The following ZBTB7A variants were observed in gnomAD, a reference collection of about 807,000 sequenced individuals.
ZBTB7A encodes zinc finger and BTB domain-containing protein 7A.
ZBTB7A carries 7 observed loss-of-function variants against 26.7 expected under a neutral mutation model. The ratio of observed to expected loss-of-function variants is 0.26; its 90% CI spans 0.15 to 0.49. The LOEUF is 0.49. ZBTB7A is among the 20% of genes least tolerant of loss of function. The probability of loss-of-function intolerance (pLI) is 0.98; values close to 1 mark genes in which losing one functional copy is unlikely to be tolerated. For missense variants in ZBTB7A, 617 were observed against 919.5 expected (o/e 0.67, Z 4.25); for synonymous variants, 452 against 441.0 (o/e 1.02, Z -0.31).
chr19:4,055,386 G>A, intron 1 of ZBTB7A, 139 bp from the exon 2 acceptor site: 1 of 1,391,272 alleles, frequency 7.2e-7, no homozygotes, highest in South Asian at 1.7e-5. Flanking sequence ...GCACGTGAAG[G>A]CGGTCAGATG....
chr19:4,059,612 G>A (rs1180937358), intron 1 of ZBTB7A, among the ~76,000 whole-genome samples: 1 of 152,152 alleles, frequency 6.6e-6, no homozygotes, highest in Non-Finnish European at 1.5e-5. Context: ...CCAGGGGCTG[G>A]GGGCCAGGAA....
rs1281451238 is a variant in ZBTB7A at position 4,043,830 on chromosome 19, G to C, written c.*3922C>G. ...CCTCCAGGCCCCTGACCCGTCCTGC[G>C]CCAGCCACCCACCACCCCCCCCCCC... On this transcript the variant is annotated 3_prime_UTR_variant, in exon 3 of 3. Coordinates refer to ENST00000322357, the MANE Select transcript of ZBTB7A (RefSeq NM_015898.4). Among the ~76,000 whole-genome samples the C allele has an allele frequency of 4.6e-5, 3 of 65,108 alleles. No individual in the cohort carries two copies. Among genetic ancestry groups the C allele is most frequent in the Admixed American group, 1.7e-4 (1 of 6,006 alleles). The allele number at this position is 65,108 out of a possible 152,430, so 42.7% of individuals were successfully genotyped here. A position where few individuals can be genotyped will look rare whatever the true frequency, so the allele number is the denominator to read the frequency against.
intron 2 of ZBTB7A, among the ~76,000 whole-genome samples, chr19:4,050,250 G>T (rs372307852): frequency 7.2e-5 from 11 of 152,088 alleles, no homozygotes; most frequent in African/African-American, 2.4e-4. Context: ...AATGGAGACA[G>T]GGTTTTCACC....
chr19:4,051,743 G>C (rs2040506263), intron 2 of ZBTB7A, among the ~76,000 whole-genome samples: 1 of 152,246 alleles, frequency 6.6e-6, no homozygotes, highest in Non-Finnish European at 1.5e-5. Context: ...CAGAGGGGAT[G>C]GCAGCCACTA....
chr19:4,058,312 G>C (rs549953037), intron 1 of ZBTB7A, among the ~76,000 whole-genome samples: 2 of 152,342 alleles, frequency 1.3e-5, no homozygotes, highest in African/African-American at 4.8e-5. Context: ...CCCCAGCTGA[G>C]CTGTTCAGCC....
intron 2 of ZBTB7A, among the ~76,000 whole-genome samples, chr19:4,051,362 C>T (rs766789037): frequency 4.6e-5 from 7 of 152,088 alleles, no homozygotes; most frequent in Non-Finnish European, 8.8e-5. Flanking sequence ...TCCTACTCAT[C>T]CCTCAAAGCC....
At position 4,052,314 on chromosome 19, in the gene ZBTB7A, G is replaced by A. The variant is rs2040512507; in HGVS notation, c.1262+1657C>T. ...AGCTGCTCTTCCTGAGCTCAGAGAC[G>A]AACCCACAGTGACCCCTGCCTGGAG... is the stretch of plus-strand genomic sequence containing the variant. On this transcript the variant is annotated intron_variant, in intron 2 of 2. Transcript: ENST00000322357. This position sits in a 1 kb window ranked among gnomAD's most constrained non-coding sequence, Gnocchi z 4.9. 6.6e-6 allele frequency among the ~76,000 whole-genome samples: 1 copy of A among 152,126 alleles called. No homozygotes were observed. Among genetic ancestry groups the A allele is most frequent in the South Asian group, 2.1e-4 (1 of 4,832 alleles).
intron 1 of ZBTB7A, among the ~76,000 whole-genome samples, chr19:4,061,239 G>A (rs2040634765): frequency 6.6e-6 from 1 of 152,208 alleles, no homozygotes; most frequent in South Asian, 2.1e-4. Flanking sequence ...ACCTACCAAG[G>A]GAGTGAGTGG....
chr19:4,052,268 C>T lies in ZBTB7A; in HGVS notation c.1262+1703G>A, dbSNP rs191476194. ...CTCAGCCTGGTCCCCTCTGCAGACC[C>T]CAGTTCTCTGCACCCCACCAAGCTG... is the stretch of plus-strand genomic sequence containing the variant. On this transcript the variant is annotated intron_variant, in intron 2 of 2. Coordinates refer to ENST00000322357, the MANE Select transcript of ZBTB7A (RefSeq NM_015898.4). The surrounding 1 kb of genome is among the most constrained non-coding windows in gnomAD (Gnocchi z 4.9). Among the ~76,000 whole-genome samples the T allele has an allele frequency of 6.6e-6, 1 of 152,152 alleles. No individual in the cohort carries two copies. The highest frequency in any genetic ancestry group is 1.5e-5 in the Non-Finnish European group (1 of 68,012).
chr19:4,054,146 C>T lies in ZBTB7A; in HGVS notation c.1087G>A (p.Asp363Asn), dbSNP rs1251809291. The change falls in exon 2 of 3, where the codon GAC becomes AAC. Residue 363 changes from aspartate (D) to asparagine (N), a missense_variant. Around this residue, in one of 5 missense-constraint regions of ZBTB7A, gnomAD observed 331 missense variants for 391.3 expected, o/e 0.85. Transcript: ENST00000322357. ...LKYFSGAHDG[D>N]VYPAWSQKVE... ...TTCTGCGACCAGGCCGGGTAGACGT[C>T]GCCGTCGTGGGCGCCGCTGAAGTAC... 2 of 1,604,016 alleles carry T rather than the reference C, an allele frequency of 1.2e-6. No homozygotes were observed. Among genetic ancestry groups the T allele is most frequent in the Non-Finnish European group, 1.7e-6 (2 of 1,179,752 alleles).
In ZBTB7A at chr19:4,047,884, C is replaced by G; in HGVS notation, c.1623G>C (p.Glu541Asp). 1 of 1,597,664 alleles carries G rather than the reference C, an allele frequency of 6.3e-7. No homozygotes were observed. The highest frequency in any genetic ancestry group is 8.5e-7 in the Non-Finnish European group (1 of 1,173,240). Residue 541 changes from glutamate to aspartate, a missense_variant, in exon 3 of 3, where the codon GAG becomes GAC. Transcript: ENST00000322357. ...GGCTGGCCACGTCCTCGTCCTCGTC[C>G]TCGTCCTTAAAGTGCTTCTCCTGGC... ...RNGQEKHFKDEDEDEDVASPD... is the reference protein window; with the variant it reads ...RNGQEKHFKDDDEDEDVASPD...
chr19:4,062,186 G>A (rs763429513), intron 1 of ZBTB7A: 2 of 152,286 alleles, frequency 1.3e-5, no homozygotes, highest in Non-Finnish European at 2.9e-5. Flanking sequence ...TTGTTTTCCA[G>A]TCAAACCAGA....
At chr19:4,063,784 C>A (rs1004730117) in intron 1 of ZBTB7A, among the ~76,000 whole-genome samples, 1 of 152,268 alleles carries the variant, frequency 6.6e-6, no homozygotes, top group African/African-American at 2.4e-5. Context: ...AGCTCTGACC[C>A]CACCTGAGTG....
rs1346195575 is a variant in ZBTB7A, at chr19:4,066,868, A to G, written c.-202T>C. On this transcript the variant is annotated 5_prime_UTR_variant, in exon 1 of 3. Coordinates refer to ENST00000322357, the MANE Select transcript of ZBTB7A (RefSeq NM_015898.4). ...CTGTACAGTACAGCCAAAGCCCCGTATGATGCTCGCGACTCCCTTCCTGGT... is the reference window on the plus strand; with the variant it reads ...CTGTACAGTACAGCCAAAGCCCCGTGTGATGCTCGCGACTCCCTTCCTGGT... 1 of 151,654 alleles carries G rather than the reference A, an allele frequency of 6.6e-6. No homozygotes were observed. The highest frequency in any genetic ancestry group is 6.6e-5 in the Admixed American group (1 of 15,244). The allele number at this position is 151,654 out of a possible 1,614,324, so 9.4% of individuals were successfully genotyped here.
chr19:4,063,999 G>T (rs944961063), intron 1 of ZBTB7A, among the ~76,000 whole-genome samples: 12 of 152,150 alleles, frequency 7.9e-5, no homozygotes, highest in African/African-American at 2.9e-4. Context: ...GGAAAGAAAA[G>T]GAAAAAACAA....
At position 4,046,601 on chromosome 19, in the gene ZBTB7A, T is replaced by C. The variant is rs1203365276; in HGVS notation, c.*1151A>G. 3 of 150,328 alleles carry C rather than the reference T, an allele frequency of 2.0e-5. No individual in the cohort carries two copies. Among genetic ancestry groups the C allele is most frequent in the Non-Finnish European group, 4.4e-5 (3 of 67,494 alleles). 9.3% of individuals were successfully genotyped at this position (150,328 alleles called of 1,614,324 possible). ...TTTTTTTTTCCTTCCTTTCATTTTG[T>C]AAAACCTTTTTTTTTTCTAGTTTGT... On this transcript the variant is annotated 3_prime_UTR_variant, in exon 3 of 3. Coordinates refer to ENST00000322357, the MANE Select transcript of ZBTB7A (RefSeq NM_015898.4).
At chr19:4,050,932 C>G (rs1023785264) in intron 2 of ZBTB7A, among the ~76,000 whole-genome samples, 3 of 151,732 alleles carry the variant, frequency 2.0e-5, no homozygotes, top group Non-Finnish European at 4.4e-5. Flanking sequence ...AACCCCGTCT[C>G]TACTAAAAAT....
chr19:4,060,693 G>A (rs1405618377), intron 1 of ZBTB7A, among the ~76,000 whole-genome samples: 1 of 152,222 alleles, frequency 6.6e-6, no homozygotes, highest in Non-Finnish European at 1.5e-5. Context: ...GGAGGTGGGC[G>A]ACCGGGGAAG....
At chr19:4,065,111 C>T (rs186343831) in intron 1 of ZBTB7A, among the ~76,000 whole-genome samples, 5 of 151,732 alleles carry the variant, frequency 3.3e-5, no homozygotes. Context: ...CCAGCTCCCC[C>T]CTCCCCTGCC....
Sources: gnomAD v4.1 joint callset for allele counts (sites outside exome capture counted in the v4.1 genomes callset) on GRCh38, gnomAD v4.1.1 for gene constraint, gnomAD v4.1.1 regional missense constraint, Gnocchi (gnomAD v3.1) non-coding constraint, MANE v1.5 for transcripts, NCBI Gene and HGNC (gene_info 2026-07-23, HGNC 2026-07-21) for gene names.